The following ANK2 variants were observed in gnomAD, a reference collection of about 807,000 sequenced individuals.
ANK2 encodes ankyrin-2.
In ANK2, 83 loss-of-function variants were observed where a neutral mutation model predicts 360.5. The observed-to-expected ratio is 0.23, with a 90% CI of 0.19 to 0.28. The LOEUF (loss-of-function observed/expected upper bound fraction) is 0.28. ANK2 is among the 10% of genes least tolerant of loss of function. The pLI is 1.00. For missense variants in ANK2, 4,201 were observed against 4,795.7 expected (o/e 0.88, Z 3.66); for synonymous variants, 1,740 against 1,759.5 (o/e 0.99, Z 0.28).
At chr4:112,894,825 T>G (rs1416168864) in intron 1 of ANK2, among the ~76,000 whole-genome samples, 1 of 152,218 alleles carries the variant, frequency 6.6e-6, no homozygotes, top group African/African-American at 2.4e-5. Context: ...GTCACATCAA[T>G]GAAACATGCT....
chr4:113,153,194 T>C (rs965890883), intron 1 of ANK2, among the ~76,000 whole-genome samples: 2 of 152,164 alleles, frequency 1.3e-5, no homozygotes, highest in South Asian at 2.1e-4. Context: ...AATTTCCATA[T>C]TCTAGTACAG....
chr4:112,935,267 A>G (rs2093635528), intron 2 of ANK2, among the ~76,000 whole-genome samples: 2 of 152,230 alleles, frequency 1.3e-5, no homozygotes, highest in South Asian at 4.1e-4. Flanking sequence ...ACTGTATTTT[A>G]AATATATTTT....
At chr4:113,141,128 A>G (rs1299483423) in intron 1 of ANK2, 1 of 152,262 alleles carries the variant, frequency 6.6e-6, no homozygotes, top group African/African-American at 2.4e-5. Context: ...GGCGACAGTT[A>G]GTTTACAATT....
At chr4:113,051,618 A>T (rs1008688450) in intron 1 of ANK2, among the ~76,000 whole-genome samples, 1 of 152,204 alleles carries the variant, frequency 6.6e-6, no homozygotes, top group Non-Finnish European at 1.5e-5. Flanking sequence ...TTTGAAAAAA[A>T]TGCTAATTAC....
the ANK2 span, among the ~76,000 whole-genome samples, chr4:112,724,041 A>G: frequency 1.3e-5 from 2 of 151,878 alleles, no homozygotes; most frequent in African/African-American, 2.4e-5. Flanking sequence ...CAGTTTGAGT[A>G]CTAATGCTAA....
chr4:113,265,135 GA>G (rs1323582956), intron 14 of ANK2, 140 bp downstream of exon 14: 979 of 659,408 alleles, frequency 1.5e-3, no homozygotes, highest in Middle Eastern at 2.1e-3. Flanking sequence ...CAGTTTTCCA[GA>G]AAAAAAAAAG....
intron 24 of ANK2, among the ~76,000 whole-genome samples, chr4:113,315,714 C>G (rs373212685): frequency 1.3e-5 from 2 of 151,796 alleles, no homozygotes; most frequent in African/African-American, 4.8e-5. Flanking sequence ...CTGGCTAACA[C>G]GGTGAAACCC....
At chr4:113,194,266 C>A (rs183503746) in intron 2 of ANK2, among the ~76,000 whole-genome samples, 105 of 152,228 alleles carry the variant, frequency 6.9e-4, no homozygotes, top group Non-Finnish European at 1.3e-3. Flanking sequence ...GTAAGTTTAG[C>A]CATATCTTCT....
At chr4:113,278,072 A>G in intron 16 of ANK2, 137 bp downstream of exon 16, 3 of 866,182 alleles carry the variant, frequency 3.5e-6, no homozygotes, top group Non-Finnish European at 5.5e-6. Context: ...CATGGTGGCG[A>G]TGTCTTCCAT....
rs769214999 is a variant in ANK2, at chr4:113,330,290, G to A, written c.2945G>A (p.Arg982Gln). ...FMVDARGGAMRGCRHNGLRII... is the reference protein window; with the variant it reads ...FMVDARGGAMQGCRHNGLRII... Reference sequence around the variant, plus strand: ...GTGGATGCCCGAGGTGGTGCTATGCGAGGATGCAGACACAATGGGCTCCGA... The same window carrying A: ...GTGGATGCCCGAGGTGGTGCTATGCAAGGATGCAGACACAATGGGCTCCGA... The change falls in exon 27 of 46, where the codon CGA becomes CAA. Residue 982 changes from arginine to glutamine, a missense_variant. By Grantham distance (43) the Arg-to-Gln change is conservative. Around this residue, in one of 4 missense-constraint regions of ANK2, gnomAD observed 1,268 missense variants for 1,650.8 expected, o/e 0.77. Coordinates refer to ENST00000357077, the MANE Select transcript of ANK2 (RefSeq NM_001148.6). The A allele has an allele frequency of 9.4e-5, 152 of 1,614,050 alleles. No homozygotes were observed. The highest frequency in any genetic ancestry group is 1.2e-4 in the Non-Finnish European group (147 of 1,180,026).
intron 2 of ANK2, among the ~76,000 whole-genome samples, chr4:112,912,097 G>A (rs892686964): frequency 2.0e-5 from 3 of 151,754 alleles, no homozygotes; most frequent in African/African-American, 4.8e-5. Context: ...GAATGGTGTG[G>A]ACCCCGGAGG....
At chr4:112,754,949 A>G in the ANK2 span, among the ~76,000 whole-genome samples, 1 of 152,234 alleles carries the variant, frequency 6.6e-6, no homozygotes, top group African/African-American at 2.4e-5. Context: ...TTTTACCTCA[A>G]ACTCTTATAT....
At chr4:113,075,723 T>C (rs2079652063) in intron 1 of ANK2, among the ~76,000 whole-genome samples, 1 of 152,192 alleles carries the variant, frequency 6.6e-6, no homozygotes, top group Non-Finnish European at 1.5e-5. Context: ...TGGCAGAATA[T>C]TTTATGGATG....
chr4:112,874,248 A>T (rs2074264487), intron 1 of ANK2, among the ~76,000 whole-genome samples: 1 of 149,922 alleles, frequency 6.7e-6, no homozygotes, highest in Admixed American at 6.6e-5. Flanking sequence ...TGCCTGGCTA[A>T]TTTTTTGTAT....
the ANK2 span, among the ~76,000 whole-genome samples, chr4:112,709,832 G>A: frequency 1.5e-4 from 23 of 152,306 alleles, no homozygotes; most frequent in Non-Finnish European, 3.2e-4. Context: ...TGTTATCATG[G>A]CATTGATTGC....
intron 1 of ANK2, among the ~76,000 whole-genome samples, chr4:113,164,965 C>T (rs7697503): frequency 0.42 from 64,385 of 151,694 alleles, 15,056 homozygotes; most frequent in African/African-American, 0.61. Context: ...TTTTTTCTCT[C>T]GACCCAAATG....
chr4:113,106,421 T>C (rs2093634786), intron 1 of ANK2, among the ~76,000 whole-genome samples: 1 of 152,170 alleles, frequency 6.6e-6, no homozygotes, highest in Admixed American at 6.6e-5. Context: ...TCTGCTTTAA[T>C]TGGAGAAGGG....
intron 1 of ANK2, among the ~76,000 whole-genome samples, chr4:112,821,437 T>C (rs2056994484): frequency 6.6e-6 from 1 of 152,164 alleles, no homozygotes; most frequent in Admixed American, 6.5e-5. Context: ...TGTGATGAGA[T>C]CTCAAATACC....
In ANK2 at chr4:113,369,575, C is replaced by T. The variant is rs1057521510; in HGVS notation, c.11380C>T (p.Pro3794Ser). 3 of 1,614,142 alleles carry T rather than the reference C, an allele frequency of 1.9e-6. No homozygotes were observed. Among genetic ancestry groups the T allele is most frequent in the South Asian group, 1.1e-5 (1 of 91,078 alleles). Residue 3794 changes from proline (P) to serine (S), a missense_variant, in exon 43 of 46, where the codon CCC (proline) becomes TCC (serine). By Grantham distance (74) the Pro-to-Ser change is moderately conservative (BLOSUM62 -1). Coordinates refer to ENST00000357077, the MANE Select transcript of ANK2 (RefSeq NM_001148.6). ...TQKAMIVPSSPSKTPEEVSTP... is the reference protein window; with the variant it reads ...TQKAMIVPSSSSKTPEEVSTP... ...GAAGGCTATGATAGTACCCAGCTCT[C>T]CCAGCAAGACACCTGAGGAAGTTAG...
Sources: gnomAD v4.1 joint callset for allele counts (sites outside exome capture counted in the v4.1 genomes callset) on GRCh38, gnomAD v4.1.1 for gene constraint, gnomAD v4.1.1 regional missense constraint, MANE v1.5 for transcripts, NCBI Gene and HGNC (gene_info 2026-07-23, HGNC 2026-07-21) for gene names.